TBC1D8: variants seen among roughly 807,000 people sequenced by gnomAD.
The protein encoded by TBC1D8 is BUB2-like protein 1.
TBC1D8 carries 65 observed loss-of-function variants against 118.8 expected under a neutral mutation model. The ratio of observed to expected loss-of-function variants is 0.55; its 90% CI spans 0.45 to 0.67. The LOEUF (loss-of-function observed/expected upper bound fraction) is 0.67. TBC1D8 is among the 30% of genes least tolerant of loss of function. The pLI, the probability that TBC1D8 is intolerant of heterozygous loss-of-function variation, is 0.00. For synonymous variants in TBC1D8, 566 were observed against 595.8 expected (o/e 0.95, Z 0.73); for missense variants, 1,376 against 1,471.2 (o/e 0.94, Z 1.06).
intron 2 of TBC1D8, among the ~76,000 whole-genome samples, chr2:101,061,961 C>T (rs1189365038): frequency 6.6e-6 from 1 of 152,212 alleles, no homozygotes; most frequent in East Asian, 1.9e-4. Flanking sequence ...AGGCCCAGAG[C>T]GTCTGCTTGG....
intron 3 of TBC1D8, among the ~76,000 whole-genome samples, chr2:101,054,666 T>C (rs1226374850): frequency 1.4e-4 from 6 of 43,512 alleles, no homozygotes; most frequent in African/African-American, 8.0e-4. Flanking sequence ...CATTTTCTTT[T>C]CTTTTCTTTT....
chr2:101,032,319 C>T lies in TBC1D8; in HGVS notation c.1885G>A (p.Val629Ile). 1 of 1,613,876 alleles carries T rather than the reference C, an allele frequency of 6.2e-7. No individual in the cohort carries two copies. The highest frequency in any genetic ancestry group is 8.5e-7 in the Non-Finnish European group (1 of 1,179,814). Residue 629 changes from valine (V) to isoleucine (I), a missense_variant, in exon 11 of 20, where the codon GTT (valine) becomes ATT (isoleucine). Val to Ile is a conservative substitution (Grantham distance 29). Coordinates refer to ENST00000409318, the MANE Select transcript of TBC1D8 (RefSeq NM_001330348.2). ...GGCAGCATCCGCTCACACACAGCAA[C>T]CAACAGCCAGAAGGCTTCCTCCTCC... is the stretch of plus-strand genomic sequence containing the variant. ...TKEEEAFWLLVAVCERMLPDY... is the reference protein window; with the variant it reads ...TKEEEAFWLLIAVCERMLPDY...
chr2:101,110,041 T>G (rs778612955), intron 1 of TBC1D8: 442 of 983,222 alleles, frequency 4.5e-4, no homozygotes, highest in Non-Finnish European at 5.2e-4. Context: ...ACAACACTCC[T>G]ATTTTTAGGC....
intron 1 of TBC1D8, among the ~76,000 whole-genome samples, chr2:101,101,845 T>C (rs1442094280): frequency 6.6e-6 from 1 of 151,686 alleles, no homozygotes; most frequent in African/African-American, 2.4e-5. Flanking sequence ...AGTTGAGCAA[T>C]GAGAACACAT....
Position 101,008,087 on chromosome 2 carries a change from GAGCTGA to G in TBC1D8, c.3196_3201del (p.Ser1066_Ala1067del), listed in dbSNP as rs1402745432. ...GCAAAAACCGAGTCCTCAGGAGAAG[GAGCTGA>G]AGCCCGCAGCTCCTCCCCACACTCC... On this transcript the variant is annotated inframe_deletion, in exon 20 of 20. Coordinates refer to ENST00000409318, the MANE Select transcript of TBC1D8 (RefSeq NM_001330348.2). 1 of 1,613,808 alleles carries G rather than the reference GAGCTGA, an allele frequency of 6.2e-7. No homozygotes were observed. The highest frequency in any genetic ancestry group is 2.2e-5 in the East Asian group (1 of 44,880).
At chr2:101,143,148 C>T (rs1389915904) in intron 1 of TBC1D8, among the ~76,000 whole-genome samples, 1 of 151,472 alleles carries the variant, frequency 6.6e-6, no homozygotes, top group South Asian at 2.1e-4. Context: ...CTGCAACCTC[C>T]GCCTCCCGGG....
intron 2 of TBC1D8, among the ~76,000 whole-genome samples, chr2:101,080,809 G>C (rs957742565): frequency 6.6e-6 from 1 of 151,900 alleles, no homozygotes; most frequent in South Asian, 2.1e-4. Context: ...TGGAGACAGG[G>C]TCTTGCTCTG....
intron 1 of TBC1D8, among the ~76,000 whole-genome samples, chr2:101,150,447 G>A (rs1290599518): frequency 2.6e-5 from 4 of 152,040 alleles, no homozygotes; most frequent in Non-Finnish European, 5.9e-5. Context: ...AAGAGCTTTG[G>A]AACAAAACTT....
chr2:101,031,792 C>T (rs906395724), intron 11 of TBC1D8, among the ~76,000 whole-genome samples: 2 of 152,140 alleles, frequency 1.3e-5, no homozygotes, highest in Non-Finnish European at 2.9e-5. Flanking sequence ...CCTTGAGGGT[C>T]TCTAATTCCA....
At chr2:101,122,411 A>AAAAAAAAAAAAAT (rs1574064494) in intron 1 of TBC1D8, among the ~76,000 whole-genome samples, 1 of 138,912 alleles carries the variant, frequency 7.2e-6, no homozygotes, top group Non-Finnish European at 1.6e-5. Context: ...AAAAAAAAAA[A>AAAAAAAAAAAAAT]GCATGGATAA....
At chr2:101,010,625 C>A (rs1392640674) in intron 19 of TBC1D8, among the ~76,000 whole-genome samples, 1 of 150,626 alleles carries the variant, frequency 6.6e-6, no homozygotes, top group South Asian at 2.1e-4. Flanking sequence ...TGGCTCAAAC[C>A]TGTAATCCCA....
chr2:101,054,672 CTTTTTTTTTT>C (rs34465252), intron 3 of TBC1D8, among the ~76,000 whole-genome samples: 1 of 25,436 alleles, frequency 3.9e-5, no homozygotes, highest in Non-Finnish European at 5.9e-5. Context: ...CTTTTCTTTT[CTTTTTTTTTT>C]TTTTTTTTTT....
At chr2:101,037,813 C>G in intron 7 of TBC1D8, 105 bp from the exon 8 acceptor site, 1 of 1,417,330 alleles carries the variant, frequency 7.1e-7, no homozygotes, top group Non-Finnish European at 9.7e-7. Flanking sequence ...ACGGGCATAG[C>G]AGACTTCAAT....
intron 1 of TBC1D8, 88 bp from the exon 2 acceptor site, chr2:101,090,452 C>T: frequency 3.5e-6 from 5 of 1,426,248 alleles, no homozygotes; most frequent in Non-Finnish European, 4.8e-6. Context: ...GCTGTCTGGA[C>T]TCCATGCTGG....
intron 1 of TBC1D8, among the ~76,000 whole-genome samples, chr2:101,112,781 C>T (rs1252954433): frequency 6.6e-6 from 1 of 152,180 alleles, no homozygotes; most frequent in Non-Finnish European, 1.5e-5. Context: ...CCCAAACCTT[C>T]CTCCCTTAGA....
At chr2:101,030,024 T>C (rs1359413662) in intron 11 of TBC1D8, 10 of 430,874 alleles carry the variant, frequency 2.3e-5, no homozygotes, top group Non-Finnish European at 4.2e-5. Context: ...AAAGGAACAC[T>C]AGCCCCTACC....
chr2:101,059,412 G>A lies in TBC1D8; in HGVS notation c.402+9C>T. The A allele has an allele frequency of 6.3e-7, 1 of 1,596,518 alleles. No homozygotes were observed. Among genetic ancestry groups the A allele is most frequent in the East Asian group, 2.2e-5 (1 of 44,764 alleles). Reference sequence around the variant, plus strand: ...AGATGGGGAGAAACATGAAACTCAGGGGACCTACCTTTACCTTCCCTTTGA... The same window carrying A: ...AGATGGGGAGAAACATGAAACTCAGAGGACCTACCTTTACCTTCCCTTTGA... On this transcript the variant is annotated intron_variant, in intron 3 of 19. Transcript: ENST00000409318.
chr2:101,025,721 C>T (rs145225990), intron 15 of TBC1D8, among the ~76,000 whole-genome samples: 287 of 152,246 alleles, frequency 1.9e-3, no homozygotes, highest in African/African-American at 6.6e-3. Context: ...CACAATAACC[C>T]ACCAACACTG....
At chr2:101,095,180 G>A (rs941311058) in intron 1 of TBC1D8, among the ~76,000 whole-genome samples, 3 of 152,072 alleles carry the variant, frequency 2.0e-5, no homozygotes, top group Non-Finnish European at 4.4e-5. Context: ...AAAGGGAAAA[G>A]TAATCATTGT....
Sources: allele counts gnomAD v4.1 joint callset (sites outside exome capture counted in the v4.1 genomes callset), GRCh38; gene constraint gnomAD v4.1.1; transcripts MANE v1.5; gene names NCBI Gene and HGNC (gene_info 2026-07-23, HGNC 2026-07-21).